The following CSNK1G3 variants were observed in gnomAD, a reference collection of about 807,000 sequenced individuals.
The protein encoded by CSNK1G3 is casein kinase I isoform gamma-3.
A neutral mutation model predicts 64.3 loss-of-function variants in CSNK1G3; 23 were observed. The observed-to-expected ratio is 0.36, with a 90% CI of 0.26 to 0.51. CSNK1G3 has a LOEUF of 0.51. Among genes scored for constraint, CSNK1G3 ranks in the 20% least tolerant of loss-of-function variants. The pLI is 0.96. For synonymous variants in CSNK1G3, 158 were observed against 162.2 expected, an observed-to-expected ratio of 0.97 and a Z score of 0.20; for missense variants, 357 against 510.5, an observed-to-expected ratio of 0.70 and a Z score of 2.90.
intron 1 of CSNK1G3, among the ~76,000 whole-genome samples, chr5:123,527,366 A>C (rs1363681766): frequency 1.3e-5 from 2 of 152,158 alleles, no homozygotes; most frequent in South Asian, 2.1e-4. Context: ...CATAGTTTGG[A>C]GGAAGAAGTC....
intron 4 of CSNK1G3, among the ~76,000 whole-genome samples, chr5:123,560,438 G>A (rs540958800): frequency 6.6e-6 from 1 of 152,278 alleles, no homozygotes; most frequent in East Asian, 1.9e-4. Flanking sequence ...TAGAAGTATT[G>A]TTTACACTAG....
At chr5:123,519,566 AC>A (rs1197799675) in intron 1 of CSNK1G3, among the ~76,000 whole-genome samples, 1 of 152,048 alleles carries the variant, frequency 6.6e-6, no homozygotes, top group Non-Finnish European at 1.5e-5. Context: ...AGTTGCCCAT[AC>A]CTTTGATTTC....
intron 12 of CSNK1G3, among the ~76,000 whole-genome samples, chr5:123,605,808 C>G (rs530398663): frequency 1.3e-5 from 2 of 152,006 alleles, no homozygotes; most frequent in African/African-American, 4.8e-5. Context: ...TATCATTGCC[C>G]TTGAGTACAA....
At chr5:123,524,986 ATTC>A (rs1778779771) in intron 1 of CSNK1G3, among the ~76,000 whole-genome samples, 1 of 152,200 alleles carries the variant, frequency 6.6e-6, no homozygotes, top group African/African-American at 2.4e-5. Flanking sequence ...ATAGGTAGCC[ATTC>A]TTCTCCACCT....
Position 123,573,377 on chromosome 5 carries a change from A to C in CSNK1G3, c.290-16A>C. The C allele has an allele frequency of 1.2e-6, 2 of 1,611,260 alleles. No homozygotes were observed. Among genetic ancestry groups the C allele is most frequent in the Admixed American group, 1.7e-5 (1 of 59,978 alleles). ...AAGATGATGAAATTATTAAATGAGTATTTCTTTTCCCCCAGATGGTATACC... is the reference window on the plus strand; with the variant it reads ...AAGATGATGAAATTATTAAATGAGTCTTTCTTTTCCCCCAGATGGTATACC... On this transcript the variant is annotated splice_polypyrimidine_tract_variant and intron_variant, in intron 4 of 12. Transcript: ENST00000345990.
intron 3 of CSNK1G3, 39 bp downstream of exon 3, chr5:123,553,186 T>C (rs902920689): frequency 9.1e-7 from 1 of 1,100,440 alleles, no homozygotes; most frequent in Non-Finnish European, 1.3e-6. Context: ...ATGATTTCTT[T>C]GTTACTTTTT....
intron 12 of CSNK1G3, among the ~76,000 whole-genome samples, chr5:123,613,309 A>C (rs1227872595): frequency 6.6e-6 from 1 of 151,632 alleles, no homozygotes; most frequent in Non-Finnish European, 1.5e-5. Flanking sequence ...TTGCCCTGTC[A>C]CACAGACTGG....
intron 1 of CSNK1G3, among the ~76,000 whole-genome samples, chr5:123,536,974 A>G (rs1780940192): frequency 6.6e-6 from 1 of 152,172 alleles, no homozygotes; most frequent in African/African-American, 2.4e-5. Flanking sequence ...GGGAACTCCT[A>G]TACACTGTTG....
chr5:123,579,180 A>T (rs1181934055), intron 6 of CSNK1G3, among the ~76,000 whole-genome samples: 1 of 151,850 alleles, frequency 6.6e-6, no homozygotes, highest in Non-Finnish European at 1.5e-5. Context: ...TCTGCCTCTC[A>T]ATCATAACTC....
chr5:123,571,897 T>C (rs934280017), intron 4 of CSNK1G3, among the ~76,000 whole-genome samples: 1 of 152,180 alleles, frequency 6.6e-6, no homozygotes, highest in Non-Finnish European at 1.5e-5. Context: ...AAGAAAATGA[T>C]AGTTATTTAC....
At chr5:123,556,001 A>T (rs1455990617) in intron 3 of CSNK1G3, among the ~76,000 whole-genome samples, 1 of 152,118 alleles carries the variant, frequency 6.6e-6, no homozygotes, top group Admixed American at 6.5e-5. Context: ...AATTTTACAG[A>T]TGAGGGAACT....
exon 13 of CSNK1G3, chr5:123,614,401 G>GGACACA: frequency 6.2e-7 from 1 of 1,611,360 alleles, no homozygotes. Context: ...AAATGACTCT[G>GGACACA]GACACAGACA....
intron 4 of CSNK1G3, among the ~76,000 whole-genome samples, chr5:123,569,747 T>TTTTA (rs1324771862): frequency 6.6e-6 from 1 of 152,074 alleles, no homozygotes; most frequent in African/African-American, 2.4e-5. Flanking sequence ...TGAGAATGCT[T>TTTTA]TTTATTTATT....
At chr5:123,572,422 A>C (rs1561545742) in intron 4 of CSNK1G3, among the ~76,000 whole-genome samples, 1 of 152,236 alleles carries the variant, frequency 6.6e-6, no homozygotes, top group East Asian at 1.9e-4. Flanking sequence ...ATATAGCTTC[A>C]TAATGAATTA....
At chr5:123,606,258 C>G (rs1029061112) in intron 12 of CSNK1G3, among the ~76,000 whole-genome samples, 3 of 151,920 alleles carry the variant, frequency 2.0e-5, no homozygotes, top group African/African-American at 7.3e-5. Flanking sequence ...ATATAATTAG[C>G]TATATACTTG....
chr5:123,616,632 T>A (rs1456624573), exon 13 of CSNK1G3: 1 of 152,630 alleles, frequency 6.6e-6, no homozygotes, highest in Non-Finnish European at 1.5e-5. Flanking sequence ...AAGCCAACAA[T>A]GTTTTGCATT....
chr5:123,538,796 T>C (rs1286497698), intron 1 of CSNK1G3, among the ~76,000 whole-genome samples: 2 of 152,224 alleles, frequency 1.3e-5, no homozygotes, highest in East Asian at 3.8e-4. Context: ...TCATATAAAA[T>C]AATTTAGCCC....
At chr5:123,600,698 G>A (rs113103320) in intron 10 of CSNK1G3, among the ~76,000 whole-genome samples, 15 of 151,648 alleles carry the variant, frequency 9.9e-5, no homozygotes, top group Admixed American at 4.6e-4. Context: ...ATTATATTTG[G>A]AAAGTACATT....
chr5:123,557,556 G>A (rs1784870765), exon 4 of CSNK1G3: 2 of 1,588,796 alleles, frequency 1.3e-6, no homozygotes, highest in East Asian at 2.2e-5. Context: ...AAGCAGTTAG[G>A]ATCTGGAGGT....
Sources: gnomAD v4.1 joint callset for allele counts (sites outside exome capture counted in the v4.1 genomes callset) on GRCh38, gnomAD v4.1.1 for gene constraint, MANE v1.5 for transcripts, NCBI Gene and HGNC (gene_info 2026-07-23, HGNC 2026-07-21) for gene names.